The following JAZF1 variants were observed in gnomAD, a reference collection of about 807,000 sequenced individuals.
The protein encoded by JAZF1 is juxtaposed with another zinc finger protein 1.
Under a neutral mutation model 26.4 loss-of-function variants are expected in JAZF1, and 8 were observed. The ratio of observed to expected loss-of-function variants is 0.30; its 90% CI spans 0.18 to 0.55. JAZF1 has a LOEUF of 0.55. Ranked by LOEUF, JAZF1 falls within the 20% of genes least tolerant of loss-of-function variation. The pLI is 0.94. For synonymous variants in JAZF1, 126 were observed against 122.3 expected (o/e 1.03, Z -0.20); for missense variants, 199 against 322.0 (o/e 0.62, Z 2.92).
At chr7:28,001,075 C>T (rs1011550266) in intron 1 of JAZF1, among the ~76,000 whole-genome samples, 5 of 151,498 alleles carry the variant, frequency 3.3e-5, no homozygotes, top group East Asian at 3.9e-4. Flanking sequence ...ATAATCTGGC[C>T]GGGCGCAGTG....
At chr7:27,963,986 T>G (rs1785229977) in intron 2 of JAZF1, among the ~76,000 whole-genome samples, 1 of 152,218 alleles carries the variant, frequency 6.6e-6, no homozygotes, top group Non-Finnish European at 1.5e-5. Context: ...ATTGGTTGCT[T>G]ATATACCTAT....
rs1783558928 is a variant in JAZF1, at chr7:27,870,339, C to T, written c.385+24881G>A. On this transcript the variant is annotated intron_variant, in intron 3 of 4. Coordinates refer to ENST00000283928, the MANE Select transcript of JAZF1 (RefSeq NM_175061.4). ...ACTTGCTCACTGCCCCTGGCTCCGGCTCTGCTACCTGTGTTCTGGCCATGT... is the reference window on the plus strand; with the variant it reads ...ACTTGCTCACTGCCCCTGGCTCCGGTTCTGCTACCTGTGTTCTGGCCATGT... 2.6e-5 allele frequency among the ~76,000 whole-genome samples: 4 copies of T among 152,058 alleles called. No homozygotes were observed. In the South Asian group the frequency reaches 6.2e-4, roughly 24 times the overall value.
At chr7:28,177,197 C>T (rs981444666) in intron 1 of JAZF1, among the ~76,000 whole-genome samples, 3 of 151,960 alleles carry the variant, frequency 2.0e-5, no homozygotes, top group African/African-American at 7.3e-5. Context: ...CAGTACTGAA[C>T]CAGCAGTGAA....
At chr7:28,126,224 T>G (rs1253715590) in intron 1 of JAZF1, among the ~76,000 whole-genome samples, 4 of 152,182 alleles carry the variant, frequency 2.6e-5, no homozygotes. Flanking sequence ...TTCACTCTCA[T>G]GCAACAAATA....
chr7:27,974,520 G>A (rs1785434524), intron 2 of JAZF1, among the ~76,000 whole-genome samples: 1 of 152,180 alleles, frequency 6.6e-6, no homozygotes, highest in East Asian at 1.9e-4. Flanking sequence ...ACCTGAGAAT[G>A]TTACAGGTCA....
intron 1 of JAZF1, among the ~76,000 whole-genome samples, chr7:28,082,590 C>T (rs762176134): frequency 5.3e-5 from 8 of 152,292 alleles, no homozygotes; most frequent in African/African-American, 9.6e-5. Context: ...TAGCTCCCCA[C>T]GCTGCAGTAT....
chr7:27,922,610 T>C (rs912879289), intron 2 of JAZF1, among the ~76,000 whole-genome samples: 2 of 152,102 alleles, frequency 1.3e-5, no homozygotes, highest in African/African-American at 4.8e-5. Flanking sequence ...AAAATAACTT[T>C]TAATAGGAAA....
chr7:27,962,198 C>T (rs1432179429), intron 2 of JAZF1, among the ~76,000 whole-genome samples: 2 of 152,204 alleles, frequency 1.3e-5, no homozygotes, highest in Admixed American at 1.3e-4. Flanking sequence ...AAAAACAAGA[C>T]TAACTGTACA....
chr7:28,050,038 T>C (rs1226246467), intron 1 of JAZF1, among the ~76,000 whole-genome samples: 3 of 152,200 alleles, frequency 2.0e-5, no homozygotes, highest in Admixed American at 6.5e-5. Context: ...TTGGTCTTTC[T>C]GGTGGCCAGC....
intron 1 of JAZF1, among the ~76,000 whole-genome samples, chr7:28,138,842 G>A (rs1782923205): frequency 6.6e-6 from 1 of 152,210 alleles, no homozygotes; most frequent in African/African-American, 2.4e-5. Context: ...TTTGCCCTCA[G>A]TTTACATATT....
rs1388289625 is a variant in JAZF1 at position 27,851,899 on chromosome 7, TGAGTTATG to T, written c.386-11040_386-11033del. On this transcript the variant is annotated intron_variant, in intron 3 of 4. Transcript: ENST00000283928. ...TCGGGCCAGTGGAGGGTGTGTGTTCTGAGTTATGGACCCACACTGATGCCTGGGGGTTC... is the reference window on the plus strand; with the variant it reads ...TCGGGCCAGTGGAGGGTGTGTGTTCTGACCCACACTGATGCCTGGGGGTTC... 6.1e-4 allele frequency among the ~76,000 whole-genome samples: 91 copies of T among 149,242 alleles called. No homozygotes were observed. In the Middle Eastern group the frequency reaches 0.01, roughly 17 times the overall value.
intron 2 of JAZF1, among the ~76,000 whole-genome samples, chr7:27,980,289 T>C (rs1785555384): frequency 6.6e-6 from 1 of 152,156 alleles, no homozygotes; most frequent in African/African-American, 2.4e-5. Context: ...GTACGACACA[T>C]AGCATTGCAG....
In JAZF1 at chr7:27,870,075, A is replaced by ATT. The variant is rs371770357; in HGVS notation, c.385+25143_385+25144dup. 4.4e-3 allele frequency among the ~76,000 whole-genome samples: 527 copies of ATT among 120,604 alleles called. 3 individuals are homozygous for ATT. The highest frequency in any genetic ancestry group is 5.8e-3 in the Non-Finnish European group (349 of 59,840). 79.1% of individuals were successfully genotyped at this position (120,604 alleles called of 152,430 possible). A position where few individuals can be genotyped will look rare whatever the true frequency, so the allele number is the denominator to read the frequency against. On this transcript the variant is annotated intron_variant, in intron 3 of 4. Coordinates refer to ENST00000283928, the MANE Select transcript of JAZF1 (RefSeq NM_175061.4). ...AGGCGCACACTGCCACACCCGGTTA[A>ATT]TTTTTTTTTTTTTTTTTTTTTTTGT...
At chr7:28,012,698 T>G (rs1289128230) in intron 1 of JAZF1, among the ~76,000 whole-genome samples, 1 of 152,180 alleles carries the variant, frequency 6.6e-6, no homozygotes, top group Non-Finnish European at 1.5e-5. Flanking sequence ...TCAGCCACTT[T>G]GGGTGTGGCC....
At chr7:28,078,741 A>T (rs1424812849) in intron 1 of JAZF1, among the ~76,000 whole-genome samples, 1 of 152,172 alleles carries the variant, frequency 6.6e-6, no homozygotes, top group Non-Finnish European at 1.5e-5. Flanking sequence ...GAAAAGTGGA[A>T]AACACTGGAA....
At chr7:28,148,003 A>G (rs1454839020) in intron 1 of JAZF1, among the ~76,000 whole-genome samples, 2 of 152,116 alleles carry the variant, frequency 1.3e-5, no homozygotes, top group East Asian at 1.9e-4. Flanking sequence ...CTTTATCCCC[A>G]TGCAACTGGG....
chr7:28,134,579 C>G (rs1025403422), intron 1 of JAZF1, among the ~76,000 whole-genome samples: 5 of 151,364 alleles, frequency 3.3e-5, no homozygotes, highest in African/African-American at 4.9e-5. Flanking sequence ...TCCCAAAGTG[C>G]TGGGATTACA....
intron 1 of JAZF1, among the ~76,000 whole-genome samples, chr7:28,021,719 G>A (rs757167033): frequency 6.6e-6 from 1 of 152,170 alleles, no homozygotes; most frequent in South Asian, 2.1e-4. Flanking sequence ...TGTGTCACCT[G>A]ACTCTTCACT....
intron 3 of JAZF1, among the ~76,000 whole-genome samples, chr7:27,887,862 A>G (rs953899751): frequency 2.0e-5 from 3 of 152,228 alleles, no homozygotes; most frequent in Admixed American, 6.5e-5. Flanking sequence ...GAGATTAAAA[A>G]TAAGTGGCTG....
Sources: gnomAD v4.1 joint callset for allele counts (sites outside exome capture counted in the v4.1 genomes callset) on GRCh38, gnomAD v4.1.1 for gene constraint, MANE v1.5 for transcripts, NCBI Gene and HGNC (gene_info 2026-07-23, HGNC 2026-07-21) for gene names.